EP400: variants seen among roughly 807,000 people sequenced by gnomAD.
EP400 encodes E1A-binding protein p400.
In EP400, 105 loss-of-function variants were observed where a neutral mutation model predicts 354.1. That is an observed-to-expected ratio of 0.30 (90% CI 0.25 to 0.35). EP400 has a LOEUF of 0.35. Among genes scored for constraint, EP400 ranks in the 10% least tolerant of loss-of-function variants. EP400 has a pLI of 1.00. For synonymous variants in EP400, 1,646 were observed against 1,716.9 expected (o/e 0.96, Z 1.02); for missense variants, 3,280 against 4,121.0 (o/e 0.80, Z 5.59).
At position 132,029,660 on chromosome 12, in the gene EP400, G is replaced by GTGGC; in HGVS notation, c.5382-39_5382-36dup. On this transcript the variant is annotated intron_variant, in intron 27 of 52. Coordinates refer to ENST00000389561, the MANE Select transcript of EP400 (RefSeq NM_015409.5). The surrounding 1 kb of genome is among the most constrained non-coding windows in gnomAD (Gnocchi z 4.7). ...GAGCCCCCATGCTGGGTGAAGGTGT[G>GTGGC]TGGCTCCTGGTGGTGACAAAACATG... is the stretch of plus-strand genomic sequence containing the variant. The GTGGC allele has an allele frequency of 6.3e-7, 1 of 1,598,674 alleles. No homozygotes were observed. Among genetic ancestry groups the GTGGC allele is most frequent in the East Asian group, 2.2e-5 (1 of 44,628 alleles).
At chr12:131,957,421 C>T (rs1891737570) in intron 1 of EP400, among the ~76,000 whole-genome samples, 1 of 148,588 alleles carries the variant, frequency 6.7e-6, no homozygotes, top group South Asian at 2.1e-4. Context: ...GAATTTCCTT[C>T]AGAGATTTAG....
At chr12:132,060,813 C>CTGAGGCAGGAGAATTGCT (rs922134397) in intron 45 of EP400, among the ~76,000 whole-genome samples, 26 of 151,698 alleles carry the variant, frequency 1.7e-4, no homozygotes, top group Non-Finnish European at 3.4e-4. Flanking sequence ...ATTCAGGAGG[C>CTGAGGCAGGAGAATTGCT]TGAGGCAGGA....
intron 6 of EP400, 85 bp from the exon 7 acceptor site, chr12:131,987,620 G>A: frequency 2.4e-6 from 3 of 1,248,726 alleles, no homozygotes; most frequent in Non-Finnish European, 3.3e-6. Context: ...CTTTTGCATA[G>A]TAGGGCTTCA....
intron 42 of EP400, 28 bp from the exon 43 acceptor site, chr12:132,053,315 T>A (rs571042052): frequency 6.3e-7 from 1 of 1,596,752 alleles, no homozygotes; most frequent in East Asian, 2.2e-5. Flanking sequence ...GCCCCTCCAG[T>A]GGCTCCTCTT....
At chr12:131,993,633 T>C (rs1028026095) in intron 11 of EP400, among the ~76,000 whole-genome samples, 1 of 152,242 alleles carries the variant, frequency 6.6e-6, no homozygotes, top group African/African-American at 2.4e-5. Context: ...TGGACAATTT[T>C]GTTGTTATGT....
intron 7 of EP400, 45 bp from the exon 8 acceptor site, chr12:131,989,913 TCCAGCA>T: frequency 1.3e-6 from 2 of 1,585,910 alleles, no homozygotes; most frequent in Admixed American, 2.0e-5. Context: ...TCCTTTTTTT[TCCAGCA>T]TGACATAGAG....
In EP400 at chr12:132,044,839, A is replaced by G. The variant is rs749170900; in HGVS notation, c.6670A>G (p.Ile2224Val). 1.2e-6 allele frequency: 2 copies of G among 1,614,166 alleles called. No homozygotes were observed. The highest frequency in any genetic ancestry group is 1.7e-6 in the Non-Finnish European group (2 of 1,180,042). The change falls in exon 37 of 53, where the codon ATC (isoleucine) becomes GTC (valine). Residue 2224 changes from isoleucine to valine, a missense_variant. Physicochemically the swap from Ile to Val is conservative, Grantham distance 29. This residue lies in a region of EP400 where 231 missense variants were observed against 257.9 expected (regional missense o/e 0.90). Transcript: ENST00000389561. ...CACCCCGCCGCAGGACGACAGCGAC[A>G]TCTACCTCGACTCGGTCATGTGTCT... ...PPTPPQDDSD[I>V]YLDSVMCLMY...
intron 25 of EP400, among the ~76,000 whole-genome samples, chr12:132,026,987 G>T (rs1293699172): frequency 6.6e-6 from 1 of 152,208 alleles, no homozygotes; most frequent in Non-Finnish European, 1.5e-5. Context: ...TTGCTCTGTT[G>T]CAGTTGTGAG....
intron 2 of EP400, among the ~76,000 whole-genome samples, chr12:131,972,253 C>T (rs1197567233): frequency 3.3e-5 from 5 of 151,524 alleles, no homozygotes; most frequent in East Asian, 1.9e-4. Context: ...CCTGGGTTCA[C>T]GCCATTCTCC....
chr12:132,062,015 T>C (rs1438730111), intron 45 of EP400, 95 bp from the exon 46 acceptor site: 2 of 1,082,336 alleles, frequency 1.8e-6, no homozygotes, highest in African/African-American at 3.1e-5. Context: ...GTTTCGCCTC[T>C]GAAGTTGGGT....
chr12:132,013,751 A>C lies in EP400; in HGVS notation c.3787-26A>C. The C allele has an allele frequency of 6.2e-7, 1 of 1,611,150 alleles. No homozygotes were observed. The highest frequency in any genetic ancestry group is 8.5e-7 in the Non-Finnish European group (1 of 1,178,674). On this transcript the variant is annotated intron_variant, in intron 18 of 52. Transcript: ENST00000389561. The surrounding 1 kb of genome is among the most constrained non-coding windows in gnomAD (Gnocchi z 4.5). ...TGTTACAGCAGCATTTTTGGAAAGA[A>C]AACAGTAAACAGTTTTTATTTTCAG... is the stretch of plus-strand genomic sequence containing the variant.
In EP400 at chr12:132,043,404, A is replaced by G. The variant is rs760429566; in HGVS notation, c.6308A>G (p.Asn2103Ser). ...HTDALSSDSENMPCDEEPSQL... is the reference protein window; with the variant it reads ...HTDALSSDSESMPCDEEPSQL... ...GATGCTCTGTCATCAGACTCTGAGA[A>G]CATGCCGTGTGATGAAGAACCATCC... The change falls in exon 33 of 53, where the codon AAC (asparagine) becomes AGC (serine). Residue 2103 changes from asparagine (N) to serine (S), a missense_variant. By Grantham distance (46) the Asn-to-Ser change is conservative (BLOSUM62 1). Transcript: ENST00000389561. 4.3e-6 allele frequency: 7 copies of G among 1,613,622 alleles called. No individual in the cohort carries two copies. In the African/African-American group the frequency reaches 9.3e-5, roughly 22 times the overall value.
At chr12:131,975,571 T>C (rs1385167776) in intron 2 of EP400, among the ~76,000 whole-genome samples, 1 of 152,110 alleles carries the variant, frequency 6.6e-6, no homozygotes, top group Non-Finnish European at 1.5e-5. Flanking sequence ...TTTCTTTTTC[T>C]TTTTTTGAGA....
chr12:131,988,714 C>T (rs1311368510), intron 7 of EP400, among the ~76,000 whole-genome samples: 3 of 152,220 alleles, frequency 2.0e-5, no homozygotes, highest in Non-Finnish European at 4.4e-5. Flanking sequence ...TGGGAAGCAG[C>T]TGTGCTTTCA....
At chr12:132,011,141 CTG>C (rs1222675867) in intron 15 of EP400, among the ~76,000 whole-genome samples, 1 of 152,184 alleles carries the variant, frequency 6.6e-6, no homozygotes, top group Non-Finnish European at 1.5e-5. Context: ...CTCTCTTAGT[CTG>C]TGAGTCCACT....
At chr12:131,983,818 T>C (rs186651716) in intron 5 of EP400, among the ~76,000 whole-genome samples, 1,567 of 152,238 alleles carry the variant, frequency 0.01, 96 homozygotes, top group East Asian at 4.4e-3. Context: ...TAGCTGGGAC[T>C]ACAGGCGCAC....
intron 50 of EP400, chr12:132,068,798 A>C (rs1233988828): frequency 6.6e-6 from 1 of 152,246 alleles, no homozygotes. Context: ...GCTGGGACTT[A>C]CCTCCTGGGC....
At chr12:132,014,292 C>T (rs573893296) in intron 19 of EP400, among the ~76,000 whole-genome samples, 7 of 152,322 alleles carry the variant, frequency 4.6e-5, no homozygotes, top group South Asian at 2.1e-4. Flanking sequence ...GGACTTGGGT[C>T]GGCTGTGGCC....
intron 51 of EP400, among the ~76,000 whole-genome samples, chr12:132,072,221 G>C (rs567425675): frequency 2.2e-4 from 33 of 152,316 alleles, no homozygotes; most frequent in Admixed American, 1.2e-3. Flanking sequence ...TCAGCCTCCG[G>C]AGGGCCCGGG....
Sources: allele counts gnomAD v4.1 joint callset (sites outside exome capture counted in the v4.1 genomes callset), GRCh38; gene constraint gnomAD v4.1.1; regional missense constraint gnomAD v4.1.1; non-coding constraint Gnocchi (gnomAD v3.1); transcripts MANE v1.5; gene names NCBI Gene and HGNC (gene_info 2026-07-23, HGNC 2026-07-21).